GGT7: variants seen among roughly 807,000 people sequenced by gnomAD.
GGT7 encodes the protein gamma-glutamyltransferase 7.
In GGT7, 30 loss-of-function variants were observed where a neutral mutation model predicts 69.2. That is an observed-to-expected ratio of 0.43 (90% CI 0.32 to 0.59). The LOEUF is 0.59. Ranked by LOEUF, GGT7 falls within the 20% of genes least tolerant of loss-of-function variation. The probability of loss-of-function intolerance (pLI) is 0.05; values close to 1 mark genes in which losing one functional copy is unlikely to be tolerated. For missense variants in GGT7, 733 were observed against 901.1 expected (o/e 0.81, Z 2.39); for synonymous variants, 388 against 391.8 (o/e 0.99, Z 0.12).
rs772474622 is a variant in GGT7, at chr20:34,850,003, G to A, written c.1783C>T (p.Arg595Cys). 2 of 1,613,698 alleles carry A rather than the reference G, an allele frequency of 1.2e-6. No homozygotes were observed. Among genetic ancestry groups the A allele is most frequent in the African/African-American group, 1.3e-5 (1 of 74,898 alleles). ...TTGGACTGCAGGTCCGGGTGTAGGC[G>A]GCCGCGGGCCAGGCTGTCACTCAGG... ...RNLSDSLARG[R>C]LHPDLQSNLL... Residue 595 changes from arginine (R) to cysteine (C), a missense_variant, in exon 14 of 15, where the codon CGC becomes TGC. By Grantham distance (180) the Arg-to-Cys change is radical. Transcript: ENST00000336431.
At position 34,851,346 on chromosome 20, in the gene GGT7, T is replaced by C. The variant is rs1418531553; in HGVS notation, c.1610A>G (p.Lys537Arg). 1 of 1,613,508 alleles carries C rather than the reference T, an allele frequency of 6.2e-7. No individual in the cohort carries two copies. Among genetic ancestry groups the C allele is most frequent in the African/African-American group, 1.3e-5 (1 of 75,054 alleles). The change falls in exon 13 of 15, where the codon AAG (lysine) becomes AGG (arginine). Residue 537 changes from lysine (K) to arginine (R), a missense_variant. Coordinates refer to ENST00000336431, the MANE Select transcript of GGT7 (RefSeq NM_178026.3). ...PSLENSVQPG[K>R]RPLSFLLPTV... ...GGGCAGCAGGAAAGAGAGTGGCCGC[T>C]TCCCTGGCTGCACTGAATTCTCCTG...
chr20:34,868,637 C>T (rs948135257), intron 1 of GGT7, among the ~76,000 whole-genome samples: 7 of 152,114 alleles, frequency 4.6e-5, no homozygotes, highest in Admixed American at 1.3e-4. Context: ...CATCCCTGAC[C>T]AAAGTATATA....
chr20:34,863,845 C>T lies in GGT7; in HGVS notation c.170-297G>A, dbSNP rs1274628212. Reference sequence around the variant, plus strand: ...CAGGGCCCAGGGCTGAGAACACTTCCTGGGGGGTGGGGTGGGGGTTCCAGC... The same window carrying T: ...CAGGGCCCAGGGCTGAGAACACTTCTTGGGGGGTGGGGTGGGGGTTCCAGC... On this transcript the variant is annotated intron_variant, in intron 1 of 14. Transcript: ENST00000336431. The surrounding 1 kb of genome is among the most constrained non-coding windows in gnomAD (Gnocchi z 4.4). 5 of 593,974 alleles carry T rather than the reference C, an allele frequency of 8.4e-6. No homozygotes were observed. Among genetic ancestry groups the T allele is most frequent in the Non-Finnish European group, 1.6e-5 (5 of 312,182 alleles). 36.8% of individuals were successfully genotyped at this position (593,974 alleles called of 1,614,324 possible). A position where few individuals can be genotyped will look rare whatever the true frequency, so the allele number is the denominator to read the frequency against.
At position 34,859,518 on chromosome 20, in the gene GGT7, C is replaced by T. The variant is rs772223775; in HGVS notation, c.939G>A (p.Val313=). 1 of 1,612,564 alleles carries T rather than the reference C, an allele frequency of 6.2e-7. No homozygotes were observed. Among genetic ancestry groups the T allele is most frequent in the Non-Finnish European group, 8.5e-7 (1 of 1,179,224 alleles). The change falls in exon 7 of 15, where the codon GTG becomes GTA. Residue 313 remains valine, a synonymous_variant. Transcript: ENST00000336431. ...GGCCGGAGGTGCCAAGTACATCCAG[C>T]ACCTCAGCCAGGTCGGGCCGATGCA... ...SLLHRPDLAE[V]LDVLGTSGPA...
chr20:34,863,071 C>T lies in GGT7; in HGVS notation c.406-106G>A. ...ACGCGGCATGAAGGTCGAAGCCCTGCCCCCTTGTTGCCTTGACTCTGCCCT... is the reference window on the plus strand; with the variant it reads ...ACGCGGCATGAAGGTCGAAGCCCTGTCCCCTTGTTGCCTTGACTCTGCCCT... On this transcript the variant is annotated intron_variant, in intron 2 of 14. Transcript: ENST00000336431. The surrounding 1 kb of genome is among the most constrained non-coding windows in gnomAD (Gnocchi z 4.4). 1.7e-6 allele frequency: 2 copies of T among 1,153,604 alleles called. No individual in the cohort carries two copies. The highest frequency in any genetic ancestry group is 2.5e-6 in the Non-Finnish European group (2 of 810,854). 71.5% of individuals were successfully genotyped at this position (1,153,604 alleles called of 1,614,324 possible).
chr20:34,861,291 TG>T, intron 4 of GGT7, 153 bp downstream of exon 4: 1 of 428,010 alleles, frequency 2.3e-6, no homozygotes, highest in East Asian at 3.3e-5. Context: ...TATTTTATCT[TG>T]GGGGCTGCCT....
Position 34,863,689 on chromosome 20 carries a change from T to C in GGT7, c.170-141A>G, listed in dbSNP as rs771643480. 1.4e-5 allele frequency: 10 copies of C among 736,422 alleles called. 1 individual carries two copies. In the South Asian group the frequency reaches 1.5e-4, roughly 11 times the overall value. The allele number at this position is 736,422 out of a possible 1,614,324, so 45.6% of individuals were successfully genotyped here. ...GGCTAGCACTACTCACCTTTCCTCA[T>C]TTTCGCGTGCACCCCAGGACAGGCG... On this transcript the variant is annotated intron_variant, in intron 1 of 14. Coordinates refer to ENST00000336431, the MANE Select transcript of GGT7 (RefSeq NM_178026.3). This position sits in a 1 kb window ranked among gnomAD's most constrained non-coding sequence, Gnocchi z 4.4.
In GGT7 at chr20:34,863,023, A is replaced by C. The variant is rs555507530; in HGVS notation, c.406-58T>G. 1.1e-5 allele frequency: 16 copies of C among 1,509,456 alleles called. 1 individual carries two copies. In the East Asian group the frequency reaches 3.6e-4, roughly 34 times the overall value. The allele number at this position is 1,509,456 out of a possible 1,614,324, so 93.5% of individuals were successfully genotyped here. A position where few individuals can be genotyped will look rare whatever the true frequency, so the allele number is the denominator to read the frequency against. ...GAGGAGCTGTCCACCTCCCTAGGGC[A>C]CCTCCACTAGCCCTAGAACTCTACG... On this transcript the variant is annotated intron_variant, in intron 2 of 14. Transcript: ENST00000336431. The surrounding 1 kb of genome is among the most constrained non-coding windows in gnomAD (Gnocchi z 4.4).
At position 34,859,475 on chromosome 20, in the gene GGT7, C is replaced by A. The variant is rs1265877328; in HGVS notation, c.982G>T (p.Gly328Cys). 6.3e-7 allele frequency: 1 copy of A among 1,599,896 alleles called. No homozygotes were observed. Among genetic ancestry groups the A allele is most frequent in the Non-Finnish European group, 8.6e-7 (1 of 1,169,190 alleles). Reference protein sequence around the residue: ...GTSGPAAFYAGGNLTLEMVAE... With the variant: ...GTSGPAAFYACGNLTLEMVAE... The stretch of plus-strand genomic sequence containing the variant: ...ACCATCTCCAGTGTGAGGTTGCCAC[C>A]TGCGTAGAAGGCAGCCGGGCCGGAG... The change falls in exon 7 of 15, where the codon GGT becomes TGT. Residue 328 changes from glycine (G) to cysteine (C), a missense_variant. Physicochemically the swap from Gly to Cys is radical, Grantham distance 159. Coordinates refer to ENST00000336431, the MANE Select transcript of GGT7 (RefSeq NM_178026.3).
At position 34,859,572 on chromosome 20, in the gene GGT7, C is replaced by T. The variant is rs779262432; in HGVS notation, c.885G>A (p.Ser295=). ...ACGAGCCAGGTAGTGGCGGGCGGCC[C>T]GATGGCAGGAACGTCTCCCGGAAGC... is the stretch of plus-strand genomic sequence containing the variant. ...SERFRETFLP[S]GRPPLPGSLL... is the part of the protein sequence containing the mutation. Residue 295 remains serine, a synonymous_variant, in exon 7 of 15, where the codon TCG becomes TCA. Transcript: ENST00000336431. 6.2e-6 allele frequency: 10 copies of T among 1,602,314 alleles called. No homozygotes were observed. In the South Asian group the frequency reaches 8.9e-5, roughly 14 times the overall value.
Position 34,852,244 on chromosome 20 carries a change from G to T in GGT7, c.1498C>A (p.Leu500Ile), listed in dbSNP as rs1361462716. The stretch of plus-strand genomic sequence containing the variant: ...AGCAGGATCCCCGAGGGGGTGATAA[G>T]GCCGCTGCCAAAGGGCTGGTTCAGG... Reference protein sequence around the residue: ...SSLNQPFGSGLITPSGILLNS... With the variant: ...SSLNQPFGSGIITPSGILLNS... Residue 500 changes from leucine (L) to isoleucine (I), a missense_variant, in exon 12 of 15, where the codon CTT becomes ATT. Leu to Ile is a conservative substitution (Grantham distance 5). Coordinates refer to ENST00000336431, the MANE Select transcript of GGT7 (RefSeq NM_178026.3). 1 of 1,613,878 alleles carries T rather than the reference G, an allele frequency of 6.2e-7. No individual in the cohort carries two copies. The highest frequency in any genetic ancestry group is 1.3e-5 in the African/African-American group (1 of 74,946).
intron 7 of GGT7, 70 bp downstream of exon 7, chr20:34,859,373 A>G (rs1238067149): frequency 8.1e-7 from 1 of 1,239,474 alleles, no homozygotes; most frequent in Non-Finnish European, 1.1e-6. Context: ...GGAAGGAAAA[A>G]ATGCGGACGC....
At chr20:34,859,347 G>T in intron 7 of GGT7, 96 bp downstream of exon 7, 1 of 823,312 alleles carries the variant, frequency 1.2e-6, no homozygotes, top group Non-Finnish European at 1.9e-6. Flanking sequence ...AGAAAGAAAG[G>T]GAGGGAGGGA....
At chr20:34,846,589 C>G (rs759037815) in intron 14 of GGT7, among the ~76,000 whole-genome samples, 1 of 151,962 alleles carries the variant, frequency 6.6e-6, no homozygotes, top group Non-Finnish European at 1.5e-5. Context: ...GGATTACAGG[C>G]GTGAGCCACC....
At chr20:34,859,723 G>T in intron 6 of GGT7, 84 bp from the exon 7 acceptor site, 1 of 1,171,230 alleles carries the variant, frequency 8.5e-7, no homozygotes, top group Non-Finnish European at 1.2e-6. Context: ...GTAGATGGGG[G>T]CTGAGTGGCC....
chr20:34,853,562 A>C (rs1487938615), intron 10 of GGT7, among the ~76,000 whole-genome samples: 2 of 58,800 alleles, frequency 3.4e-5, no homozygotes, highest in Non-Finnish European at 8.2e-5. Flanking sequence ...ACTCCATCTC[A>C]AAAAAAAAAA....
chr20:34,861,923 C>T (rs1472670489), intron 3 of GGT7, among the ~76,000 whole-genome samples: 2 of 152,164 alleles, frequency 1.3e-5, no homozygotes, highest in Admixed American at 1.3e-4. Flanking sequence ...CTTGGTATGT[C>T]CCTTGCCCCT....
Position 34,852,251 on chromosome 20 carries a change from G to A in GGT7, c.1491C>T (p.Gly497=). ...TCCCCGAGGGGGTGATAAGGCCGCT[G>A]CCAAAGGGCTGGTTCAGGGAGCTGG... ...AMVSSLNQPF[G]SGLITPSGIL... The change falls in exon 12 of 15, where the codon GGC becomes GGT. Residue 497 remains glycine (G), a synonymous_variant. Transcript: ENST00000336431. The A allele has an allele frequency of 1.2e-6, 2 of 1,613,568 alleles. No homozygotes were observed. Among genetic ancestry groups the A allele is most frequent in the Non-Finnish European group, 1.7e-6 (2 of 1,179,444 alleles).
chr20:34,847,879 G>T (rs2079324499), intron 14 of GGT7, among the ~76,000 whole-genome samples: 1 of 152,212 alleles, frequency 6.6e-6, no homozygotes, highest in African/African-American at 2.4e-5. Context: ...ATTACTTGAG[G>T]TCAGGAGTTT....
Sources: gnomAD v4.1 joint callset for allele counts (sites outside exome capture counted in the v4.1 genomes callset) on GRCh38, gnomAD v4.1.1 for gene constraint, Gnocchi (gnomAD v3.1) non-coding constraint, MANE v1.5 for transcripts, NCBI Gene and HGNC (gene_info 2026-07-23, HGNC 2026-07-21) for gene names.